WTIP: variants seen among roughly 807,000 people sequenced by gnomAD.
WTIP encodes WT1 interacting protein, also known as Wilms tumor protein 1-interacting protein.
Under a neutral mutation model 41.7 loss-of-function variants are expected in WTIP, and 23 were observed. The ratio of observed to expected loss-of-function variants is 0.55; its 90% confidence interval spans 0.40 to 0.78. The LOEUF (loss-of-function observed/expected upper bound fraction) is 0.78. Ranked by LOEUF, WTIP falls within the 30% of genes least tolerant of loss-of-function variation. The pLI is 0.00. For synonymous variants in WTIP, 314 were observed against 269.9 expected, an observed-to-expected ratio of 1.16 and a Z score of -1.60; for missense variants, 619 against 610.5, an observed-to-expected ratio of 1.01 and a Z score of -0.15.
Position 34,512,033 on chromosome 19 carries a change from A to G in WTIP, c.*11764A>G, listed in dbSNP as rs2075935021. ...CCTCCATTCACTGAAGTTTTATTTT[A>G]CATCTCTCAGTAAAGCTTTATGGAT... On this transcript the variant is annotated 3_prime_UTR_variant, in exon 8 of 8. Coordinates refer to ENST00000590071, the MANE Select transcript of WTIP (RefSeq NM_001080436.2). 6.6e-6 allele frequency: 1 copy of G among 152,156 alleles called. No homozygotes were observed. The highest frequency in any genetic ancestry group is 2.4e-5 in the African/African-American group (1 of 41,432). 9.4% of individuals were successfully genotyped at this position (152,156 alleles called of 1,614,324 possible). A position where few individuals can be genotyped will look rare whatever the true frequency, so the allele number is the denominator to read the frequency against.
chr19:34,482,449 T>C lies in WTIP; in HGVS notation c.475T>C (p.Phe159Leu). 2 of 1,302,372 alleles carry C rather than the reference T, an allele frequency of 1.5e-6. No individual in the cohort carries two copies. The highest frequency in any genetic ancestry group is 9.7e-7 in the Non-Finnish European group (1 of 1,025,814). The allele number at this position is 1,302,372 out of a possible 1,614,324, so 80.7% of individuals were successfully genotyped here. The change falls in exon 1 of 8, where the codon TTC becomes CTC. Residue 159 changes from phenylalanine (F) to leucine (L), a missense_variant. Phe to Leu is a conservative substitution (Grantham distance 22). Coordinates refer to ENST00000590071, the MANE Select transcript of WTIP (RefSeq NM_001080436.2). The stretch of plus-strand genomic sequence containing the variant: ...GGGCTCGGCCGGCGCCTACGCTGAC[T>C]TCCTCCCGCCCGGCGCCTGCCCCGC... ...SRGSAGAYAD[F>L]LPPGACPAPA...
Position 34,500,171 on chromosome 19 carries a change from T to C in WTIP, c.1195T>C (p.Tyr399His), listed in dbSNP as rs1320914564. The change falls in exon 8 of 8, where the codon TAT becomes CAT. Residue 399 changes from tyrosine (Y) to histidine (H), a missense_variant. Physicochemically the swap from Tyr to His is moderately conservative, Grantham distance 83 (BLOSUM62 2). Coordinates refer to ENST00000590071, the MANE Select transcript of WTIP (RefSeq NM_001080436.2). ...GAGCGGGGAGGAGGGACGCCGTTGC[T>C]ATCCCCTGGCGGGCCACCTACTGTG... is the stretch of plus-strand genomic sequence containing the variant. ...QLSGEEGRRC[Y>H]PLAGHLLCRR... The C allele has an allele frequency of 6.2e-7, 1 of 1,602,660 alleles. No homozygotes were observed. Among genetic ancestry groups the C allele is most frequent in the Admixed American group, 1.7e-5 (1 of 59,994 alleles).
chr19:34,500,331 G>A lies in WTIP; in HGVS notation c.*62G>A. 2.7e-6 allele frequency: 4 copies of A among 1,481,990 alleles called. No individual in the cohort carries two copies. The highest frequency in any genetic ancestry group is 2.7e-6 in the Non-Finnish European group (3 of 1,111,692). 91.8% of individuals were successfully genotyped at this position (1,481,990 alleles called of 1,614,324 possible). ...GGGTGTGGAGGGAGGGCCCGCGTGG[G>A]TGGCCCTGGTCAGCGTCAGGGGAGC... On this transcript the variant is annotated 3_prime_UTR_variant, in exon 8 of 8. Coordinates refer to ENST00000590071, the MANE Select transcript of WTIP (RefSeq NM_001080436.2).
intron 1 of WTIP, among the ~76,000 whole-genome samples, chr19:34,488,896 C>G (rs1312905675): frequency 1.5e-5 from 1 of 65,708 alleles, no homozygotes; most frequent in African/African-American, 7.1e-5. Context: ...GAGCGAGACT[C>G]TCCTAAAAAA....
Position 34,510,175 on chromosome 19 carries a change from G to T in WTIP, c.*9906G>T, listed in dbSNP as rs8105803. 40,477 of 152,120 alleles carry T rather than the reference G, an allele frequency of 0.27. 5,905 individuals carry two copies. Among genetic ancestry groups the T allele is most frequent in the East Asian group, 0.48 (2,485 of 5,172 alleles). 9.4% of individuals were successfully genotyped at this position (152,120 alleles called of 1,614,324 possible). On this transcript the variant is annotated 3_prime_UTR_variant, in exon 8 of 8. Transcript: ENST00000590071. The stretch of plus-strand genomic sequence containing the variant: ...TGACCCCACATTTCCCTTCTGCACT[G>T]CCCTAGCAGAGGTTCTCCAAGAGGG...
intron 2 of WTIP, 133 bp downstream of exon 2, chr19:34,490,610 A>T: frequency 1.0e-6 from 1 of 954,290 alleles, no homozygotes; most frequent in Non-Finnish European, 1.6e-6. Context: ...GCTGTGGAGG[A>T]CTCTGTCTGG....
At chr19:34,495,980 A>C (rs907899551) in intron 7 of WTIP, among the ~76,000 whole-genome samples, 2 of 152,098 alleles carry the variant, frequency 1.3e-5, no homozygotes, top group African/African-American at 4.8e-5. Flanking sequence ...AACATGGTGA[A>C]ACCCCGTCTC....
intron 5 of WTIP, 49 bp from the exon 6 acceptor site, chr19:34,494,537 G>A (rs775371792): frequency 1.9e-6 from 3 of 1,592,168 alleles, no homozygotes; most frequent in Non-Finnish European, 2.6e-6. Context: ...TTGTGCCCTT[G>A]GCCTCTGGTC....
At chr19:34,498,792 C>T (rs970089001) in intron 7 of WTIP, among the ~76,000 whole-genome samples, 8 of 151,920 alleles carry the variant, frequency 5.3e-5, no homozygotes, top group Admixed American at 2.6e-4. Flanking sequence ...CCCAGCTACT[C>T]GGGAGGCTGA....
chr19:34,500,507 GC>G lies in WTIP; in HGVS notation c.*243del. The G allele has an allele frequency of 1.9e-6, 1 of 538,832 alleles. No homozygotes were observed. 33.4% of individuals were successfully genotyped at this position (538,832 alleles called of 1,614,324 possible). On this transcript the variant is annotated 3_prime_UTR_variant, in exon 8 of 8. Transcript: ENST00000590071. The stretch of plus-strand genomic sequence containing the variant: ...CCCATCACCAGCTTTCCACTTGGAG[GC>G]CCCCTGTGCCCTGCAGCCTCAGGGT...
Position 34,510,087 on chromosome 19 carries a change from T to C in WTIP, c.*9818T>C, listed in dbSNP as rs2075927569. 2 of 152,194 alleles carry C rather than the reference T, an allele frequency of 1.3e-5. No individual in the cohort carries two copies. The highest frequency in any genetic ancestry group is 1.5e-5 in the Non-Finnish European group (1 of 68,042). 9.4% of individuals were successfully genotyped at this position (152,194 alleles called of 1,614,324 possible). ...ATCTACCATTCTGATGTTTGGAGGA[T>C]GGTGGCCTTCTTCTTACAGCTCTAC... is the stretch of plus-strand genomic sequence containing the variant. On this transcript the variant is annotated 3_prime_UTR_variant, in exon 8 of 8. Transcript: ENST00000590071.
In WTIP at chr19:34,493,465, T is replaced by C. The variant is rs1488646563; in HGVS notation, c.901-27T>C. 17 of 1,612,604 alleles carry C rather than the reference T, an allele frequency of 1.1e-5. No homozygotes were observed. Among genetic ancestry groups the C allele is most frequent in the Non-Finnish European group, 1.4e-5 (16 of 1,179,584 alleles). ...GCGGTGCTGAGCCTCCTGCCCGCGC[T>C]GACCCCTCAGTGTGCCCCGCCCACA... On this transcript the variant is annotated intron_variant, in intron 4 of 7. Transcript: ENST00000590071. The surrounding 1 kb of genome is among the most constrained non-coding windows in gnomAD (Gnocchi z 4.1).
rs957660849 is a variant in WTIP, at chr19:34,505,657, CTG to C, written c.*5393_*5394del. On this transcript the variant is annotated 3_prime_UTR_variant, in exon 8 of 8. Coordinates refer to ENST00000590071, the MANE Select transcript of WTIP (RefSeq NM_001080436.2). ...CACCTGCCCTGCCATGGTGACAGGA[CTG>C]TGTGGGATCTCTGCCTCCCTGCCTG... The C allele has an allele frequency of 2.0e-5, 3 of 152,546 alleles. No individual in the cohort carries two copies. The highest frequency in any genetic ancestry group is 2.9e-5 in the Non-Finnish European group (2 of 68,312). 9.4% of individuals were successfully genotyped at this position (152,546 alleles called of 1,614,324 possible).
intron 7 of WTIP, 128 bp from the exon 8 acceptor site, chr19:34,500,001 G>T (rs2075875843): frequency 2.2e-6 from 3 of 1,361,142 alleles, no homozygotes; most frequent in South Asian, 1.4e-5. Flanking sequence ...GCGCCCGGCG[G>T]AAGAGTCTTC....
rs955981353 is a variant in WTIP, at chr19:34,481,967, G to C, written c.-8G>C. The C allele has an allele frequency of 3.4e-5, 34 of 1,002,676 alleles. No individual in the cohort carries two copies. Among genetic ancestry groups the C allele is most frequent in the Non-Finnish European group, 4.0e-5 (34 of 842,850 alleles). The allele number at this position is 1,002,676 out of a possible 1,614,324, so 62.1% of individuals were successfully genotyped here. A position where few individuals can be genotyped will look rare whatever the true frequency, so the allele number is the denominator to read the frequency against. On this transcript the variant is annotated 5_prime_UTR_variant, in exon 1 of 8. Transcript: ENST00000590071. ...GGAGGTGACGCGCCAGGGCCGGCGG[G>C]CCGGGCCATGCAGCGCTCCAGGGCG...
intron 1 of WTIP, among the ~76,000 whole-genome samples, chr19:34,484,870 C>T (rs2075789624): frequency 2.1e-5 from 3 of 145,434 alleles, no homozygotes; most frequent in South Asian, 2.2e-4. Context: ...TTCCAGGCTG[C>T]AACGAGCTAT....
chr19:34,490,433 T>TG lies in WTIP; in HGVS notation c.729dup (p.Ser244GlufsTer6). Reference sequence around the variant, plus strand: ...GGAGCCCAGCAGGCGTGCCAGGCAATGGGGAGTCTTTATCACACTGACTGC... The same window carrying TG: ...GGAGCCCAGCAGGCGTGCCAGGCAATGGGGGAGTCTTTATCACACTGACTGC... On this transcript the variant is annotated frameshift_variant, in exon 2 of 8. Coordinates refer to ENST00000590071, the MANE Select transcript of WTIP (RefSeq NM_001080436.2). LOFTEE classifies it high-confidence loss of function. 2 of 1,613,868 alleles carry TG rather than the reference T, an allele frequency of 1.2e-6. No homozygotes were observed. The highest frequency in any genetic ancestry group is 1.7e-6 in the Non-Finnish European group (2 of 1,179,858).
rs146532640 is a variant in WTIP at position 34,502,906 on chromosome 19, CCT to C, written c.*2642_*2643del. 0.012 allele frequency: 1,833 copies of C among 152,450 alleles called. 10 individuals carry two copies. The highest frequency in any genetic ancestry group is 0.054 in the Middle Eastern group (16 of 296). 9.4% of individuals were successfully genotyped at this position (152,450 alleles called of 1,614,324 possible). A position where few individuals can be genotyped will look rare whatever the true frequency, so the allele number is the denominator to read the frequency against. On this transcript the variant is annotated 3_prime_UTR_variant, in exon 8 of 8. Coordinates refer to ENST00000590071, the MANE Select transcript of WTIP (RefSeq NM_001080436.2). ...GTTGCAAAGCTGTCCTCTGAACTGT[CCT>C]CTCTGCTTCCTCCCTCAAACCTGCT...
chr19:34,494,694 G>C, intron 6 of WTIP, 57 bp downstream of exon 6: 1 of 1,580,048 alleles, frequency 6.3e-7, no homozygotes, highest in Non-Finnish European at 8.6e-7. Context: ...CTGCTGTCCT[G>C]TCTAGCCTGG....
Sources: gnomAD v4.1 joint callset for allele counts (sites outside exome capture counted in the v4.1 genomes callset) on GRCh38, gnomAD v4.1.1 for gene constraint, Gnocchi (gnomAD v3.1) non-coding constraint, MANE v1.5 for transcripts, NCBI Gene and HGNC (gene_info 2026-07-23, HGNC 2026-07-21) for gene names.